The following JMJD1C variants were observed in gnomAD, a reference collection of about 807,000 sequenced individuals.
The protein encoded by JMJD1C is jumonji domain containing 1C.
JMJD1C carries 31 observed loss-of-function variants against 245.3 expected under a neutral mutation model. That is an observed-to-expected ratio of 0.13 (90% CI 0.09 to 0.17). The LOEUF is 0.17. JMJD1C is among the 10% of genes least tolerant of loss of function. The probability of loss-of-function intolerance (pLI) is 1.00; values close to 1 mark genes in which losing one functional copy is unlikely to be tolerated. For synonymous variants in JMJD1C, 1,057 were observed against 1,017.4 expected, an observed-to-expected ratio of 1.04 and a Z score of -0.74; for missense variants, 2,691 against 3,000.2, an observed-to-expected ratio of 0.90 and a Z score of 2.41.
chr10:63,298,665 ATTT>A (rs1859710694), intron 2 of JMJD1C, among the ~76,000 whole-genome samples: 1 of 152,222 alleles, frequency 6.6e-6, no homozygotes. Flanking sequence ...TGGGGAAAAC[ATTT>A]CAACCCGTAA....
intron 2 of JMJD1C, among the ~76,000 whole-genome samples, chr10:63,340,397 T>C (rs1943259450): frequency 6.6e-6 from 1 of 152,228 alleles, no homozygotes; most frequent in Non-Finnish European, 1.5e-5. Flanking sequence ...CCTATGTGCA[T>C]TGCTCACTGT....
chr10:63,191,482 C>T (rs1844790482), intron 16 of JMJD1C, among the ~76,000 whole-genome samples: 1 of 152,170 alleles, frequency 6.6e-6, no homozygotes, highest in Non-Finnish European at 1.5e-5. Flanking sequence ...ACAGACAAAA[C>T]TGGCCCCAGC....
intron 1 of JMJD1C, among the ~76,000 whole-genome samples, chr10:63,422,237 C>T (rs1443160714): frequency 6.6e-6 from 1 of 152,070 alleles, no homozygotes; most frequent in African/African-American, 2.4e-5. Context: ...CATGGTGAAA[C>T]CCCAGTTCTA....
intron 1 of JMJD1C, among the ~76,000 whole-genome samples, chr10:63,496,724 C>T (rs1954377499): frequency 6.6e-6 from 1 of 152,212 alleles, no homozygotes; most frequent in African/African-American, 2.4e-5. Context: ...ATGTGATTTT[C>T]AGTGCCTACC....
At chr10:63,185,492 C>T (rs1203654580) in intron 20 of JMJD1C, 71 bp downstream of exon 20, 3 of 860,826 alleles carry the variant, frequency 3.5e-6, no homozygotes, top group East Asian at 2.4e-5. Flanking sequence ...TTTACGGTTA[C>T]TTATCCTATC....
intron 1 of JMJD1C, 133 bp downstream of exon 1, chr10:63,465,362 C>G (rs1038200048): frequency 1.0e-6 from 1 of 955,912 alleles, no homozygotes; most frequent in African/African-American, 1.6e-5. Context: ...GCAAACGCGC[C>G]AAGGGTTCAG....
chr10:63,426,388 G>A (rs1950441659), intron 1 of JMJD1C, among the ~76,000 whole-genome samples: 1 of 151,898 alleles, frequency 6.6e-6, no homozygotes, highest in African/African-American at 2.4e-5. Flanking sequence ...GTAAGAGACT[G>A]TATTACTACT....
At chr10:63,197,387 A>C (rs763983372) in intron 13 of JMJD1C, 24 bp downstream of exon 13, 1 of 1,582,428 alleles carries the variant, frequency 6.3e-7, no homozygotes, top group Admixed American at 1.9e-5. Flanking sequence ...AAAAACTTCA[A>C]TTTATATAAA....
intron 2 of JMJD1C, among the ~76,000 whole-genome samples, chr10:63,268,461 G>GT (rs1213072424): frequency 6.6e-6 from 1 of 152,130 alleles, no homozygotes. Context: ...AATTAAACTC[G>GT]TTTTTTAACA....
At chr10:63,429,977 C>A (rs1256962372) in intron 1 of JMJD1C, among the ~76,000 whole-genome samples, 1 of 152,110 alleles carries the variant, frequency 6.6e-6, no homozygotes, top group Non-Finnish European at 1.5e-5. Flanking sequence ...AAAACTCTAT[C>A]CCATTTCTAA....
At chr10:63,202,959 ATGGAAC>A in intron 10 of JMJD1C, 1 of 984,192 alleles carries the variant, frequency 1.0e-6, no homozygotes, top group Non-Finnish European at 1.2e-6. Flanking sequence ...ATTCCAGATA[ATGGAAC>A]AGTTCAGAGT....
chr10:63,277,384 T>A (rs1856899765), intron 2 of JMJD1C, among the ~76,000 whole-genome samples: 1 of 151,882 alleles, frequency 6.6e-6, no homozygotes, highest in Non-Finnish European at 1.5e-5. Flanking sequence ...ATAAAGATAG[T>A]CTTGTTATGC....
At chr10:63,440,909 T>C (rs1487720999) in intron 1 of JMJD1C, among the ~76,000 whole-genome samples, 1 of 152,136 alleles carries the variant, frequency 6.6e-6, no homozygotes, top group Non-Finnish European at 1.5e-5. Context: ...AAAAAAGCCA[T>C]GGTTCAGAGA....
At chr10:63,404,567 A>G (rs2132615828) in intron 1 of JMJD1C, among the ~76,000 whole-genome samples, 2 of 152,300 alleles carry the variant, frequency 1.3e-5, no homozygotes, top group African/African-American at 4.8e-5. Flanking sequence ...TATATTTGAG[A>G]TTTTAACATG....
chr10:63,305,551 T>G (rs1938041650), intron 2 of JMJD1C, among the ~76,000 whole-genome samples: 1 of 142,508 alleles, frequency 7.0e-6, no homozygotes. Context: ...TTTGTCAGCC[T>G]CGACTTCCCA....
chr10:63,228,910 G>A (rs920797690), intron 3 of JMJD1C, among the ~76,000 whole-genome samples: 2 of 152,178 alleles, frequency 1.3e-5, no homozygotes, highest in Non-Finnish European at 1.5e-5. Context: ...TGATTTTAAT[G>A]TACATAATTT....
chr10:63,203,624 G>A (rs1263869692), intron 10 of JMJD1C: 7 of 963,866 alleles, frequency 7.3e-6, no homozygotes, highest in Non-Finnish European at 8.6e-6. Flanking sequence ...TAAGATAGAA[G>A]TAAATAAAAC....
chr10:63,286,664 G>A (rs1263713956), intron 2 of JMJD1C, among the ~76,000 whole-genome samples: 1 of 152,078 alleles, frequency 6.6e-6, no homozygotes, highest in Non-Finnish European at 1.5e-5. Context: ...ATACACACCA[G>A]GTTTTCAAAT....
At chr10:63,520,118 T>C (rs554005362) in intron 1 of JMJD1C, among the ~76,000 whole-genome samples, 1 of 152,328 alleles carries the variant, frequency 6.6e-6, no homozygotes, top group South Asian at 2.1e-4. Context: ...TCTTAAATAA[T>C]GAAATATTAC....
Sources: allele counts gnomAD v4.1 joint callset (sites outside exome capture counted in the v4.1 genomes callset), GRCh38; gene constraint gnomAD v4.1.1; transcripts MANE v1.5; gene names NCBI Gene and HGNC (gene_info 2026-07-23, HGNC 2026-07-21).